The following NUBPL variants were observed in gnomAD, a reference collection of about 807,000 sequenced individuals.
NUBPL encodes iron-sulfur cluster transfer protein NUBPL.
NUBPL carries 31 observed loss-of-function variants against 45.7 expected under a neutral mutation model. That is an observed-to-expected ratio of 0.68 (90% confidence interval 0.51 to 0.92). The LOEUF (loss-of-function observed/expected upper bound fraction) is 0.92. NUBPL is among the 40% of genes least tolerant of loss of function. NUBPL has a pLI of 0.00. For synonymous variants in NUBPL, 144 were observed against 140.9 expected, an observed-to-expected ratio of 1.02 and a Z score of -0.15; for missense variants, 401 against 398.7, an observed-to-expected ratio of 1.01 and a Z score of -0.05.
rs1367320826 is a variant in NUBPL, at chr14:31,738,571, A to G, written c.514-49209A>G. On this transcript the variant is annotated intron_variant, in intron 6 of 10. Coordinates refer to ENST00000281081, the MANE Select transcript of NUBPL (RefSeq NM_025152.3). Reference sequence around the variant, plus strand: ...ATACCAAAAGACAATGATTATCTGGACAGCCCAAGGCAGGAATATGTTACC... The same window carrying G: ...ATACCAAAAGACAATGATTATCTGGGCAGCCCAAGGCAGGAATATGTTACC... Among the ~76,000 whole-genome samples, 6 of 152,228 alleles carry G rather than the reference A, an allele frequency of 3.9e-5. No individual in the cohort carries two copies. In the South Asian group the frequency reaches 1.0e-3, roughly 26 times the overall value.
chr14:31,593,431 G>T lies in NUBPL; in HGVS notation c.292-5858G>T, dbSNP rs189923402. On this transcript the variant is annotated intron_variant, in intron 3 of 10. Coordinates refer to ENST00000281081, the MANE Select transcript of NUBPL (RefSeq NM_025152.3). ...CGGGAGGCTGAGGCAGGAGAATGGC[G>T]TGAACCCGGGAGGCGGAGCTTGCAG... Among the ~76,000 whole-genome samples, 788 of 149,336 alleles carry T rather than the reference G, an allele frequency of 5.3e-3. 3 individuals are homozygous for T. Among genetic ancestry groups the T allele is most frequent in the Non-Finnish European group, 9.1e-3 (610 of 67,314 alleles).
At chr14:31,673,766 C>G (rs1307232943) in intron 6 of NUBPL, among the ~76,000 whole-genome samples, 192 bp downstream of exon 6, 1 of 152,064 alleles carries the variant, frequency 6.6e-6, no homozygotes, top group Non-Finnish European at 1.5e-5. Context: ...TTAATCTTTC[C>G]CATTGCTTGT....
chr14:31,721,613 C>T (rs981642305), intron 6 of NUBPL, among the ~76,000 whole-genome samples: 2 of 151,116 alleles, frequency 1.3e-5, no homozygotes, highest in East Asian at 1.9e-4. Flanking sequence ...TCTCTAGTAA[C>T]GTTTTTTTTT....
chr14:31,671,330 G>C (rs553837279), intron 4 of NUBPL, among the ~76,000 whole-genome samples: 1 of 152,200 alleles, frequency 6.6e-6, no homozygotes, highest in Non-Finnish European at 1.5e-5. Flanking sequence ...TAGTGCTGCA[G>C]TAAACATAGG....
Position 31,640,065 on chromosome 14 carries a change from G to T in NUBPL, c.383-33290G>T, listed in dbSNP as rs1006127813. 2.0e-5 allele frequency among the ~76,000 whole-genome samples: 3 copies of T among 152,058 alleles called. No individual in the cohort carries two copies. In the South Asian group the frequency reaches 6.2e-4, roughly 32 times the overall value. ...GCGAGGCAGTGCCTCGCCCTGCTTC[G>T]GCTCCGGCACGGTGCACTGCACCCA... On this transcript the variant is annotated intron_variant, in intron 4 of 10. Coordinates refer to ENST00000281081, the MANE Select transcript of NUBPL (RefSeq NM_025152.3).
intron 8 of NUBPL, among the ~76,000 whole-genome samples, chr14:31,828,689 A>G (rs999506096): frequency 1.1e-4 from 17 of 152,294 alleles, no homozygotes; most frequent in African/African-American, 3.9e-4. Context: ...AAAGTCCTAC[A>G]TGGACTTTGC....
At chr14:31,633,889 T>A (rs143589338) in intron 4 of NUBPL, among the ~76,000 whole-genome samples, 1 of 152,148 alleles carries the variant, frequency 6.6e-6, no homozygotes, top group African/African-American at 2.4e-5. Context: ...ATTTTCGATA[T>A]AATTGCCGTT....
intron 6 of NUBPL, among the ~76,000 whole-genome samples, chr14:31,785,303 C>G (rs1258378260): frequency 6.6e-6 from 1 of 152,162 alleles, no homozygotes; most frequent in Non-Finnish European, 1.5e-5. Flanking sequence ...CAACCCTTAG[C>G]CCACAGACCA....
chr14:31,754,213 T>G (rs2038597465), intron 6 of NUBPL, among the ~76,000 whole-genome samples: 1 of 152,158 alleles, frequency 6.6e-6, no homozygotes, highest in African/African-American at 2.4e-5. Context: ...GTAATAGAAT[T>G]ATTGTATCAT....
rs562821538 is a variant in NUBPL at position 31,837,194 on chromosome 14, A to C, written c.694-9277A>C. ...AAATTAGCTGAGTGTGCTGGCATGC[A>C]TCTGTAGTCTCAGCTACTTAGGAGG... On this transcript the variant is annotated intron_variant, in intron 8 of 10. Coordinates refer to ENST00000281081, the MANE Select transcript of NUBPL (RefSeq NM_025152.3). 3.3e-5 allele frequency among the ~76,000 whole-genome samples: 5 copies of C among 152,254 alleles called. No individual in the cohort carries two copies. In the South Asian group the frequency reaches 8.3e-4, roughly 25 times the overall value.
intron 3 of NUBPL, among the ~76,000 whole-genome samples, chr14:31,598,130 C>T (rs984291081): frequency 5.9e-5 from 9 of 151,884 alleles, no homozygotes; most frequent in Admixed American, 4.6e-4. Context: ...ATATTAATCC[C>T]GTTTTTTCCT....
chr14:31,777,956 CA>C (rs2039125942), intron 6 of NUBPL, among the ~76,000 whole-genome samples: 1 of 152,196 alleles, frequency 6.6e-6, no homozygotes, highest in Admixed American at 6.5e-5. Context: ...CTGACCATTC[CA>C]AACAGAACCT....
chr14:31,797,561 G>T (rs1451102913), intron 7 of NUBPL, among the ~76,000 whole-genome samples: 1 of 38,196 alleles, frequency 2.6e-5, no homozygotes, highest in Non-Finnish European at 3.9e-5. Flanking sequence ...TGCAACCCCT[G>T]CCTTTTTTTG....
chr14:31,847,820 G>A (rs1461568032), intron 9 of NUBPL, among the ~76,000 whole-genome samples: 1 of 152,140 alleles, frequency 6.6e-6, no homozygotes, highest in Admixed American at 6.5e-5. Flanking sequence ...GAATACTAAT[G>A]ATATATTTTG....
chr14:31,844,651 T>C (rs2040425923), intron 8 of NUBPL: 1 of 152,100 alleles, frequency 6.6e-6, no homozygotes, highest in Admixed American at 6.5e-5. Context: ...ATAACAATTT[T>C]TTCGCCTTCT....
At chr14:31,770,824 T>G (rs550262222) in intron 6 of NUBPL, among the ~76,000 whole-genome samples, 3 of 152,356 alleles carry the variant, frequency 2.0e-5, no homozygotes, top group Admixed American at 2.0e-4. Context: ...TCTTGTTCAC[T>G]GCTGTAATTT....
chr14:31,689,748 A>G (rs538168362), intron 6 of NUBPL, among the ~76,000 whole-genome samples: 1 of 152,280 alleles, frequency 6.6e-6, no homozygotes, highest in South Asian at 2.1e-4. Context: ...TCCTATGTCC[A>G]GGATGGTATT....
chr14:31,592,267 G>A (rs1001817951), intron 3 of NUBPL, among the ~76,000 whole-genome samples: 1 of 152,190 alleles, frequency 6.6e-6, no homozygotes, highest in Admixed American at 6.5e-5. Context: ...GTGGAATGGA[G>A]TAATAGGTGA....
At chr14:31,599,824 C>G (rs1173794733) in intron 4 of NUBPL, among the ~76,000 whole-genome samples, 1 of 152,030 alleles carries the variant, frequency 6.6e-6, no homozygotes, top group Non-Finnish European at 1.5e-5. Context: ...TACCATCATG[C>G]AATTCAAGAG....
Sources: gnomAD v4.1 joint callset for allele counts (sites outside exome capture counted in the v4.1 genomes callset) on GRCh38, gnomAD v4.1.1 for gene constraint, MANE v1.5 for transcripts, NCBI Gene and HGNC (gene_info 2026-07-23, HGNC 2026-07-21) for gene names.